Variants in ANKRD36 observed in about 807,000 individuals in gnomAD.
ANKRD36 encodes the protein ankyrin repeat domain-containing protein 36A.
A neutral mutation model predicts 278.1 loss-of-function variants in ANKRD36; 179 were observed. The observed-to-expected ratio is 0.64, with a 90% CI of 0.57 to 0.73. The LOEUF is 0.73. Among genes scored for constraint, ANKRD36 ranks in the 30% least tolerant of loss-of-function variants. The pLI is 0.00. For missense variants in ANKRD36, 1,159 were observed against 1,956.7 expected, an observed-to-expected ratio of 0.59 and a Z score of 7.69; for synonymous variants, 320 against 641.1, an observed-to-expected ratio of 0.50 and a Z score of 7.57.
intron 44 of ANKRD36, among the ~76,000 whole-genome samples, chr2:97,199,665 C>T (rs868465587): frequency 1.8e-4 from 28 of 151,950 alleles, no homozygotes; most frequent in Middle Eastern, 3.4e-3. Flanking sequence ...AATATATTAT[C>T]CTTCGGTGCC....
chr2:97,211,823 T>G, intron 58 of ANKRD36, 82 bp downstream of exon 58: 1 of 1,431,190 alleles, frequency 7.0e-7, no homozygotes, highest in Non-Finnish European at 9.5e-7. Context: ...AGCGGGGGGT[T>G]CGTCAAGCCT....
At position 97,186,087 on chromosome 2, in the gene ANKRD36, T is replaced by A. The variant is rs1053241145; in HGVS notation, c.2041+577T>A. Among the ~76,000 whole-genome samples the A allele has an allele frequency of 5.6e-4, 85 of 151,900 alleles. 1 individual carries two copies. Among genetic ancestry groups the A allele is most frequent in the African/African-American group, 2.0e-3 (83 of 41,466 alleles). ...ATTTAGCATATTTACACAAAAAAGA[T>A]TTGATTTTGGCAGCTCCAGGAACTA... On this transcript the variant is annotated intron_variant, in intron 30 of 75. Transcript: ENST00000420699.
At chr2:97,163,671 G>T (rs1338452998) in intron 18 of ANKRD36, 317 of 176,204 alleles carry the variant, frequency 1.8e-3, no homozygotes, top group Non-Finnish European at 3.1e-3. Flanking sequence ...CGCCTCCCGG[G>T]TTCACGCCAT....
chr2:97,242,592 G>C (rs540659426), intron 69 of ANKRD36, among the ~76,000 whole-genome samples: 1 of 145,828 alleles, frequency 6.9e-6, no homozygotes, highest in Non-Finnish European at 1.5e-5. Flanking sequence ...TCTTAACCTA[G>C]TCTTGGATTA....
chr2:97,202,435 A>T, intron 48 of ANKRD36, 42 bp downstream of exon 48: 1 of 1,541,476 alleles, frequency 6.5e-7, no homozygotes, highest in African/African-American at 1.4e-5. Context: ...CAGTCCAGGT[A>T]GATAAGAAGT....
At chr2:97,130,983 T>G (rs1034587930) in intron 6 of ANKRD36, among the ~76,000 whole-genome samples, 6 of 152,088 alleles carry the variant, frequency 3.9e-5, no homozygotes, top group African/African-American at 1.4e-4. Context: ...TTTAAGTTTC[T>G]TTTAAATTTT....
intron 4 of ANKRD36, among the ~76,000 whole-genome samples, chr2:97,123,957 T>TTATATATATATATA (rs58038395): frequency 7.1e-6 from 1 of 141,806 alleles, no homozygotes; most frequent in African/African-American, 2.6e-5. Context: ...TCCTCCATAT[T>TTATATATATATATA]TATATATATA....
intron 10 of ANKRD36, 28 bp downstream of exon 10, chr2:97,144,740 A>G (rs2043817249): frequency 6.5e-7 from 1 of 1,541,866 alleles, no homozygotes; most frequent in Admixed American, 2.0e-5. Flanking sequence ...ATTTAATGCC[A>G]TGTACAGTCA....
At chr2:97,166,044 T>C (rs1400573955) in intron 20 of ANKRD36, among the ~76,000 whole-genome samples, 3 of 88,112 alleles carry the variant, frequency 3.4e-5, no homozygotes, top group Admixed American at 9.7e-5. Flanking sequence ...TAATAAAATT[T>C]TAGAGTTCTG....
At chr2:97,200,102 A>C (rs1235562668) in intron 44 of ANKRD36, among the ~76,000 whole-genome samples, 1 of 151,902 alleles carries the variant, frequency 6.6e-6, no homozygotes, top group African/African-American at 2.4e-5. Context: ...AGTTTTCGAC[A>C]CATGACAAAT....
Position 97,207,984 on chromosome 2 carries a change from G to C in ANKRD36, c.3243G>C (p.Lys1081Asn), listed in dbSNP as rs569886167. ...TTTTGAATATAGCCAGAGGAAAAAA[G>C]TATGGAGAAAAAACTAAGAGAGGTA... ...DSVLNIARGKKYGEKTKRVSS... is the reference protein window; with the variant it reads ...DSVLNIARGKNYGEKTKRVSS... The change falls in exon 54 of 76, where the codon AAG (lysine) becomes AAC (asparagine). Residue 1081 changes from lysine (K) to asparagine (N), a missense_variant. Coordinates refer to ENST00000420699, the MANE Select transcript of ANKRD36 (RefSeq NM_001354587.1). The C allele has an allele frequency of 1.2e-4, 179 of 1,523,124 alleles. 10 individuals are homozygous for C. The South Asian group carries it at 2.0e-3, about 17-fold the overall frequency. The allele number at this position is 1,523,124 out of a possible 1,614,324, so 94.4% of individuals were successfully genotyped here.
chr2:97,204,075 T>A lies in ANKRD36; in HGVS notation c.2967T>A (p.Ser989=). The A allele has an allele frequency of 1.9e-6, 3 of 1,573,334 alleles. No homozygotes were observed. Among genetic ancestry groups the A allele is most frequent in the East Asian group, 4.7e-5 (2 of 42,350 alleles). The change falls in exon 49 of 76, where the codon TCT becomes TCA. Residue 989 remains serine, a synonymous_variant. Transcript: ENST00000420699. ...ATCCCTTTTACTTTTCAGTGTCTTCTGAGAAACCACCAGGCTTGAAGGTAA... is the reference window on the plus strand; with the variant it reads ...ATCCCTTTTACTTTTCAGTGTCTTCAGAGAAACCACCAGGCTTGAAGGTAA... ...KDGEKSRTVS[S]EKPPGLKATS...
At chr2:97,136,582 G>A (rs2443892) in intron 6 of ANKRD36, among the ~76,000 whole-genome samples, 129,888 of 151,452 alleles carry the variant, frequency 0.86, 57,267 homozygotes, top group African/African-American at 0.95. Context: ...CCCCAAGTAG[G>A]TAGTGCCAGA....
chr2:97,185,825 G>A (rs906983578), intron 30 of ANKRD36, among the ~76,000 whole-genome samples: 4 of 151,794 alleles, frequency 2.6e-5, no homozygotes, highest in African/African-American at 4.8e-5. Flanking sequence ...AAGGGTGGAA[G>A]GAGAATGAGT....
chr2:97,124,337 G>T (rs2037929559), intron 4 of ANKRD36, 123 bp from the exon 5 acceptor site: 2 of 1,285,232 alleles, frequency 1.6e-6, no homozygotes, highest in Non-Finnish European at 2.1e-6. Flanking sequence ...CAAGATGCTT[G>T]TTTCTTAGTA....
chr2:97,117,479 C>T (rs1328015068), intron 1 of ANKRD36, among the ~76,000 whole-genome samples: 4 of 151,762 alleles, frequency 2.6e-5, no homozygotes, highest in Admixed American at 6.6e-5. Context: ...ATGTAATAAA[C>T]AATTAATTGT....
At chr2:97,144,319 G>C (rs375964759) in intron 8 of ANKRD36, among the ~76,000 whole-genome samples, 199 bp from the exon 9 acceptor site, 716 of 131,828 alleles carry the variant, frequency 5.4e-3, no homozygotes, top group African/African-American at 0.012. Flanking sequence ...AATTGGAAGT[G>C]TTTGTTGCGT....
At chr2:97,146,848 A>G (rs1263711283) in intron 11 of ANKRD36, among the ~76,000 whole-genome samples, 3 of 151,650 alleles carry the variant, frequency 2.0e-5, no homozygotes, top group Admixed American at 6.6e-5. Flanking sequence ...CTATGCAGCA[A>G]TGCGATCACG....
intron 46 of ANKRD36, among the ~76,000 whole-genome samples, chr2:97,201,345 C>T: frequency 6.6e-6 from 1 of 151,810 alleles, no homozygotes. Flanking sequence ...ATACTGCCTA[C>T]AAGGGTATTC....
Sources: gnomAD v4.1 joint callset for allele counts (sites outside exome capture counted in the v4.1 genomes callset) on GRCh38, gnomAD v4.1.1 for gene constraint, MANE v1.5 for transcripts, NCBI Gene and HGNC (gene_info 2026-07-23, HGNC 2026-07-21) for gene names.